The following GPC5 variants were observed in gnomAD, a reference collection of about 807,000 sequenced individuals.
The protein encoded by GPC5 is glypican-5.
In GPC5, 47 loss-of-function variants were observed where a neutral mutation model predicts 53.9. That is an observed-to-expected ratio of 0.87 (90% CI 0.69 to 1.11). The LOEUF (loss-of-function observed/expected upper bound fraction) is 1.11. Among genes scored for constraint, GPC5 ranks in the 50% most tolerant of loss-of-function variants. The pLI, the probability that GPC5 is intolerant of heterozygous loss-of-function variation, is 0.00. For synonymous variants in GPC5, 286 were observed against 263.3 expected, an observed-to-expected ratio of 1.09 and a Z score of -0.84; for missense variants, 748 against 713.1, an observed-to-expected ratio of 1.05 and a Z score of -0.56.
At chr13:91,406,296 C>T (rs897302353) in intron 1 of GPC5, among the ~76,000 whole-genome samples, 11 of 152,154 alleles carry the variant, frequency 7.2e-5, no homozygotes, top group Admixed American at 5.2e-4. Context: ...AAACTCTAGA[C>T]ATAGGCCTGT....
chr13:92,628,780 G>A (rs1489053871), intron 7 of GPC5, among the ~76,000 whole-genome samples: 4 of 152,060 alleles, frequency 2.6e-5, no homozygotes, highest in Non-Finnish European at 5.9e-5. Context: ...GGCTGACATT[G>A]GACTATACCC....
chr13:92,551,111 A>G (rs1450492260), intron 7 of GPC5, among the ~76,000 whole-genome samples: 1 of 151,862 alleles, frequency 6.6e-6, no homozygotes, highest in Non-Finnish European at 1.5e-5. Context: ...GTTATGTTCC[A>G]AGGACCAGAA....
At chr13:92,219,188 C>T (rs1297578817) in intron 7 of GPC5, among the ~76,000 whole-genome samples, 3 of 152,174 alleles carry the variant, frequency 2.0e-5, no homozygotes, top group South Asian at 2.1e-4. Flanking sequence ...CTTATCCCTA[C>T]CCACTGTGTC....
chr13:92,839,259 A>C (rs1018600613), intron 7 of GPC5, among the ~76,000 whole-genome samples: 9 of 152,200 alleles, frequency 5.9e-5, no homozygotes, highest in African/African-American at 2.2e-4. Context: ...AAATCCTTCT[A>C]GTGAGTCAGA....
chr13:91,571,891 G>GTA lies in GPC5; in HGVS notation c.326-121291_326-121290dup, dbSNP rs771121954. Among the ~76,000 whole-genome samples, 765 of 77,438 alleles carry GTA rather than the reference G, an allele frequency of 9.9e-3. 125 individuals are homozygous for GTA. The highest frequency in any genetic ancestry group is 0.065 in the African/African-American group (723 of 11,138). 50.8% of individuals were successfully genotyped at this position (77,438 alleles called of 152,430 possible). A position where few individuals can be genotyped will look rare whatever the true frequency, so the allele number is the denominator to read the frequency against. On this transcript the variant is annotated intron_variant, in intron 2 of 7. Coordinates refer to ENST00000377067, the MANE Select transcript of GPC5 (RefSeq NM_004466.6). ...TGTATATATACACACATATACGTGT[G>GTA]TATATACACATATTGTATATATACA...
intron 2 of GPC5, among the ~76,000 whole-genome samples, chr13:91,538,750 T>C (rs1385712616): frequency 6.6e-6 from 1 of 151,834 alleles, no homozygotes; most frequent in Non-Finnish European, 1.5e-5. Context: ...GCTGGGCTGA[T>C]TTTTTGTATT....
chr13:91,813,920 A>ATTTT (rs71113766), intron 5 of GPC5, among the ~76,000 whole-genome samples: 14 of 72,640 alleles, frequency 1.9e-4, no homozygotes, highest in Admixed American at 3.6e-4. Flanking sequence ...ATCTTAACTG[A>ATTTT]TTTTTTTTTT....
intron 7 of GPC5, among the ~76,000 whole-genome samples, chr13:92,522,942 G>A (rs1391014773): frequency 6.6e-6 from 1 of 152,032 alleles, no homozygotes; most frequent in Admixed American, 6.6e-5. Context: ...TAAAAACAAT[G>A]TTTTATGGAA....
chr13:91,769,822 A>C (rs1326062023), intron 5 of GPC5, among the ~76,000 whole-genome samples: 1 of 152,140 alleles, frequency 6.6e-6, no homozygotes, highest in Non-Finnish European at 1.5e-5. Context: ...CAATTCTGTG[A>C]CCAGAAGTGT....
At chr13:92,496,113 C>T (rs933152955) in intron 7 of GPC5, among the ~76,000 whole-genome samples, 6 of 152,112 alleles carry the variant, frequency 3.9e-5, no homozygotes, top group African/African-American at 1.4e-4. Flanking sequence ...AATTTGTAAT[C>T]CTCCACATTG....
chr13:92,206,180 T>C (rs1278770288), intron 7 of GPC5, among the ~76,000 whole-genome samples: 6 of 148,534 alleles, frequency 4.0e-5, no homozygotes, highest in Non-Finnish European at 9.0e-5. Flanking sequence ...TTTTTTTTTT[T>C]TTTGAGACAG....
chr13:91,480,468 A>C (rs1418811374), intron 2 of GPC5, among the ~76,000 whole-genome samples: 1 of 152,208 alleles, frequency 6.6e-6, no homozygotes, highest in Non-Finnish European at 1.5e-5. Context: ...TAGGAAAACC[A>C]CTTTCTATAA....
At chr13:91,865,089 T>C (rs2039069616) in intron 5 of GPC5, among the ~76,000 whole-genome samples, 1 of 151,986 alleles carries the variant, frequency 6.6e-6, no homozygotes, top group Non-Finnish European at 1.5e-5. Context: ...TTTTGTATTT[T>C]TAGTAGAGAC....
chr13:91,645,879 G>A (rs2034546510), intron 2 of GPC5, among the ~76,000 whole-genome samples: 1 of 152,186 alleles, frequency 6.6e-6, no homozygotes, highest in Admixed American at 6.5e-5. Context: ...AAGTCCTCTG[G>A]TAACATTAAT....
intron 6 of GPC5, among the ~76,000 whole-genome samples, chr13:92,109,700 T>G (rs996799606): frequency 6.6e-6 from 1 of 152,182 alleles, no homozygotes; most frequent in African/African-American, 2.4e-5. Context: ...ACCGTAGTCT[T>G]TCAGGACTCT....
intron 5 of GPC5, among the ~76,000 whole-genome samples, chr13:91,793,970 C>A (rs964481752): frequency 2.0e-5 from 3 of 152,112 alleles, no homozygotes; most frequent in Non-Finnish European, 4.4e-5. Context: ...CCATATCTCC[C>A]CTCTGGTGAG....
chr13:91,776,364 T>TTTG (rs2037710963), intron 5 of GPC5, among the ~76,000 whole-genome samples: 2 of 152,190 alleles, frequency 1.3e-5, no homozygotes, highest in East Asian at 3.8e-4. Context: ...TGTGGCTTTG[T>TTTG]TTGTTTATAC....
At chr13:92,318,026 G>T (rs916978968) in intron 7 of GPC5, among the ~76,000 whole-genome samples, 2 of 152,128 alleles carry the variant, frequency 1.3e-5, no homozygotes, top group East Asian at 3.8e-4. Context: ...ACTGAAAGTG[G>T]TGAAAATCAT....
At chr13:92,528,859 A>G (rs896160079) in intron 7 of GPC5, among the ~76,000 whole-genome samples, 1 of 151,934 alleles carries the variant, frequency 6.6e-6, no homozygotes, top group Non-Finnish European at 1.5e-5. Flanking sequence ...ATAGGGTTAG[A>G]CTATTTTCTT....
Sources: allele counts gnomAD v4.1 joint callset (sites outside exome capture counted in the v4.1 genomes callset), GRCh38; gene constraint gnomAD v4.1.1; transcripts MANE v1.5; gene names NCBI Gene and HGNC (gene_info 2026-07-23, HGNC 2026-07-21).